Variants in NIPBL observed in about 807,000 individuals in gnomAD.
The protein encoded by NIPBL is NIPBL cohesin loading factor, also known as nipped-B-like protein.
Under a neutral mutation model 321.8 loss-of-function variants are expected in NIPBL, and 19 were observed. The observed-to-expected ratio is 0.06, with a 90% CI of 0.04 to 0.09. The LOEUF (loss-of-function observed/expected upper bound fraction) is 0.09, where lower values mean the gene tolerates loss of function less well. Among genes scored for constraint, NIPBL ranks in the 10% least tolerant of loss-of-function variants. The probability of loss-of-function intolerance (pLI) is 1.00; values close to 1 mark genes in which losing one functional copy is unlikely to be tolerated. For synonymous variants in NIPBL, 1,106 were observed against 1,114.1 expected, an observed-to-expected ratio of 0.99 and a Z score of 0.14; for missense variants, 2,210 against 3,327.0, an observed-to-expected ratio of 0.66 and a Z score of 8.26.
chr5:36,979,538 T>A (rs1743902938), intron 9 of NIPBL, among the ~76,000 whole-genome samples: 1 of 151,772 alleles, frequency 6.6e-6, no homozygotes, highest in Non-Finnish European at 1.5e-5. Context: ...TGAACAGAGA[T>A]AATTTGACTT....
intron 1 of NIPBL, among the ~76,000 whole-genome samples, chr5:36,929,114 A>G (rs959012773): frequency 6.6e-6 from 1 of 152,164 alleles, no homozygotes; most frequent in African/African-American, 2.4e-5. Context: ...TTACATTTCT[A>G]CCAGCAGTGT....
At chr5:36,956,607 A>G (rs1740975651) in intron 3 of NIPBL, among the ~76,000 whole-genome samples, 1 of 150,156 alleles carries the variant, frequency 6.7e-6, no homozygotes, top group African/African-American at 2.4e-5. Context: ...AGCAATATCT[A>G]AATCACTTCT....
chr5:37,032,031 C>A (rs1479599280), intron 32 of NIPBL, among the ~76,000 whole-genome samples: 1 of 152,116 alleles, frequency 6.6e-6, no homozygotes, highest in Admixed American at 6.5e-5. Context: ...CCAGCATTAC[C>A]TGGAGTTTTA....
At chr5:36,910,774 A>G (rs1279741362) in intron 1 of NIPBL, among the ~76,000 whole-genome samples, 2 of 152,174 alleles carry the variant, frequency 1.3e-5, no homozygotes, top group Non-Finnish European at 1.5e-5. Context: ...ATCTATTGCT[A>G]AATAATTATA....
At chr5:36,941,557 A>G (rs1739065219) in intron 1 of NIPBL, among the ~76,000 whole-genome samples, 1 of 149,688 alleles carries the variant, frequency 6.7e-6, no homozygotes, top group African/African-American at 2.4e-5. Context: ...GGAGAGTTTC[A>G]GGTTTAATTA....
chr5:36,977,787 CTGT>C (rs1378655922), intron 9 of NIPBL, among the ~76,000 whole-genome samples: 1 of 151,636 alleles, frequency 6.6e-6, no homozygotes, highest in Non-Finnish European at 1.5e-5. Context: ...TCCCCTGTGT[CTGT>C]TGTTTCTAAC....
At chr5:36,961,294 G>A (rs1379808400) in intron 4 of NIPBL, among the ~76,000 whole-genome samples, 190 bp from the exon 5 acceptor site, 1 of 151,980 alleles carries the variant, frequency 6.6e-6, no homozygotes, top group Admixed American at 6.6e-5. Context: ...TTAGTTTTAT[G>A]GAAAATGGTG....
intron 42 of NIPBL, among the ~76,000 whole-genome samples, chr5:37,056,442 C>G (rs531520062): frequency 1.3e-4 from 20 of 152,070 alleles, no homozygotes; most frequent in African/African-American, 4.8e-4. Flanking sequence ...TGTTTATGAT[C>G]ATGAAATGCT....
At chr5:36,967,382 A>T (rs1742321867) in intron 6 of NIPBL, among the ~76,000 whole-genome samples, 1 of 152,156 alleles carries the variant, frequency 6.6e-6, no homozygotes, top group Non-Finnish European at 1.5e-5. Context: ...GTAGTCCAAA[A>T]TCTACCTCCC....
At chr5:37,059,218 A>G in intron 44 of NIPBL, 53 bp downstream of exon 44, 1 of 1,583,810 alleles carries the variant, frequency 6.3e-7, no homozygotes, top group South Asian at 1.1e-5. Context: ...CAAATAATAA[A>G]TATTTGGGCT....
At chr5:36,948,837 A>C (rs570172669) in intron 1 of NIPBL, among the ~76,000 whole-genome samples, 1 of 151,990 alleles carries the variant, frequency 6.6e-6, no homozygotes, top group South Asian at 2.1e-4. Flanking sequence ...GTTATAAAGT[A>C]AGGATCCTAA....
In NIPBL at chr5:36,912,423, C is replaced by T. The variant is rs144768771; in HGVS notation, c.-80+35245C>T. On this transcript the variant is annotated intron_variant, in intron 1 of 46. Coordinates refer to ENST00000282516, the MANE Select transcript of NIPBL (RefSeq NM_133433.4). The stretch of plus-strand genomic sequence containing the variant: ...TTATATAAGACTCAGGTTTATGGAG[C>T]GGTCAGTCTGAGAATCATCAGCATA... 5.4e-4 allele frequency among the ~76,000 whole-genome samples: 82 copies of T among 151,424 alleles called. 1 individual carries two copies. Among genetic ancestry groups the T allele is most frequent in the Admixed American group, 3.9e-3 (60 of 15,208 alleles).
chr5:36,990,231 A>G (rs1478704027), intron 10 of NIPBL, among the ~76,000 whole-genome samples: 2 of 152,218 alleles, frequency 1.3e-5, no homozygotes, highest in Non-Finnish European at 2.9e-5. Context: ...TAATGATTGC[A>G]GGCCTTACTA....
At position 36,942,457 on chromosome 5, in the gene NIPBL, A is replaced by AT. The variant is rs1561057270; in HGVS notation, c.-79-11161_-79-11160insT. Among the ~76,000 whole-genome samples the AT allele has an allele frequency of 4.3e-5, 6 of 139,882 alleles. No individual in the cohort carries two copies. In the South Asian group the frequency reaches 9.2e-4, roughly 21 times the overall value. The allele number at this position is 139,882 out of a possible 152,430, so 91.8% of individuals were successfully genotyped here. On this transcript the variant is annotated intron_variant, in intron 1 of 46. Coordinates refer to ENST00000282516, the MANE Select transcript of NIPBL (RefSeq NM_133433.4). ...TAAAAAAAAAAAAAAAAAAAAAAAA[A>AT]GGCCAGGTGCGGTGGCTAACGCCTT...
intron 1 of NIPBL, among the ~76,000 whole-genome samples, chr5:36,908,595 A>G (rs750059447): frequency 3.9e-5 from 6 of 152,212 alleles, no homozygotes; most frequent in Non-Finnish European, 8.8e-5. Context: ...AGAAATAGAA[A>G]GATTTAAAGG....
At chr5:36,929,717 C>A (rs1561397941) in intron 1 of NIPBL, among the ~76,000 whole-genome samples, 1 of 152,036 alleles carries the variant, frequency 6.6e-6, no homozygotes. Flanking sequence ...TAAGCTCATA[C>A]ATTTAGGTAT....
intron 10 of NIPBL, among the ~76,000 whole-genome samples, chr5:36,991,999 G>T (rs1745580387): frequency 6.6e-6 from 1 of 152,066 alleles, no homozygotes; most frequent in African/African-American, 2.4e-5. Flanking sequence ...AATCTGGCAA[G>T]TGCTAATTTG....
At chr5:36,989,361 T>C (rs1183837109) in intron 10 of NIPBL, among the ~76,000 whole-genome samples, 2 of 152,166 alleles carry the variant, frequency 1.3e-5, no homozygotes, top group African/African-American at 4.8e-5. Context: ...CATCACCATG[T>C]TTATTCCTTG....
chr5:37,027,616 T>TTG (rs1263824057), intron 32 of NIPBL, among the ~76,000 whole-genome samples: 14 of 140,622 alleles, frequency 1.0e-4, no homozygotes, highest in Non-Finnish European at 2.2e-4. Flanking sequence ...TTTTTTTTTT[T>TTG]TTTTTTTTTT....
Sources: gnomAD v4.1 joint callset for allele counts (sites outside exome capture counted in the v4.1 genomes callset) on GRCh38, gnomAD v4.1.1 for gene constraint, MANE v1.5 for transcripts, NCBI Gene and HGNC (gene_info 2026-07-23, HGNC 2026-07-21) for gene names.